Variants in CAMK4 observed in about 807,000 individuals in gnomAD.
CAMK4 encodes the protein calcium/calmodulin dependent protein kinase IV, also known as calcium/calmodulin-dependent protein kinase type IV.
CAMK4 carries 22 observed loss-of-function variants against 44.9 expected under a neutral mutation model. The ratio of observed to expected loss-of-function variants is 0.49; its 90% CI spans 0.35 to 0.70. The LOEUF (loss-of-function observed/expected upper bound fraction) is 0.70, where lower values mean the gene tolerates loss of function less well. Ranked by LOEUF, CAMK4 falls within the 30% of genes least tolerant of loss-of-function variation. CAMK4 has a pLI of 0.01. For missense variants in CAMK4, 498 were observed against 586.8 expected, an observed-to-expected ratio of 0.85 and a Z score of 1.56; for synonymous variants, 218 against 215.4, an observed-to-expected ratio of 1.01 and a Z score of -0.11.
intron 1 of CAMK4, among the ~76,000 whole-genome samples, chr5:111,304,007 T>A (rs1019384204): frequency 1.2e-5 from 1 of 81,220 alleles, no homozygotes; most frequent in African/African-American, 7.0e-5. Flanking sequence ...GCTTCATAAG[T>A]GAAGGAGAAA....
intron 2 of CAMK4, 119 bp from the exon 3 acceptor site, chr5:111,374,731 T>A (rs1337494235): frequency 1.5e-6 from 1 of 657,558 alleles, no homozygotes; most frequent in African/African-American, 1.8e-5. Context: ...ACACAAAAGC[T>A]AAGGAATTAG....
chr5:111,249,409 A>G (rs978618603), intron 1 of CAMK4, among the ~76,000 whole-genome samples: 4 of 151,492 alleles, frequency 2.6e-5, no homozygotes, highest in African/African-American at 7.3e-5. Flanking sequence ...TAGATGTTAT[A>G]TATTGTATGT....
chr5:111,374,865 G>C lies in CAMK4; in HGVS notation c.256G>C (p.Val86Leu), dbSNP rs371603420. The C allele has an allele frequency of 6.2e-7, 1 of 1,610,606 alleles. No individual in the cohort carries two copies. The highest frequency in any genetic ancestry group is 8.5e-7 in the Non-Finnish European group (1 of 1,177,392). Reference protein sequence around the residue: ...VLKKTVDKKIVRTEIGVLLRL... With the variant: ...VLKKTVDKKILRTEIGVLLRL... Reference sequence around the variant, plus strand: ...TGCCTTTTAGGTGGACAAAAAAATCGTAAGAACTGAGATAGGAGTTCTTCT... The same window carrying C: ...TGCCTTTTAGGTGGACAAAAAAATCCTAAGAACTGAGATAGGAGTTCTTCT... Residue 86 changes from valine to leucine, a missense_variant, in exon 3 of 11, where the codon GTA becomes CTA. By Grantham distance (32) the Val-to-Leu change is conservative (BLOSUM62 1). This residue lies in a region of CAMK4 where 152 missense variants were observed against 143.7 expected (regional missense o/e 1.06). Transcript: ENST00000282356.
chr5:111,395,221 AAAAAAAG>A (rs1271760442), intron 5 of CAMK4, among the ~76,000 whole-genome samples: 10 of 104,498 alleles, frequency 9.6e-5, no homozygotes, highest in East Asian at 3.0e-4. Context: ...CAAAAAAAAA[AAAAAAAG>A]AAAAAAAAAA....
At chr5:111,261,514 G>T (rs1019751) in intron 1 of CAMK4, among the ~76,000 whole-genome samples, 38,549 of 150,654 alleles carry the variant, frequency 0.26, 5,665 homozygotes, top group African/African-American at 0.41. Flanking sequence ...ATTATCTTCA[G>T]TTTCCTCACC....
At chr5:111,446,023 C>T (rs774757400) in intron 5 of CAMK4, among the ~76,000 whole-genome samples, 7 of 152,244 alleles carry the variant, frequency 4.6e-5, no homozygotes, top group Middle Eastern at 3.4e-3. Context: ...TATGCTTATA[C>T]GTGATTTTAC....
At chr5:111,283,306 G>A (rs1429868624) in intron 1 of CAMK4, among the ~76,000 whole-genome samples, 1 of 152,026 alleles carries the variant, frequency 6.6e-6, no homozygotes, top group Non-Finnish European at 1.5e-5. Flanking sequence ...ATTTATGACT[G>A]TTATACTCTG....
At chr5:111,345,048 A>G (rs2112755918) in intron 2 of CAMK4, among the ~76,000 whole-genome samples, 1 of 149,786 alleles carries the variant, frequency 6.7e-6, no homozygotes, top group South Asian at 2.1e-4. Context: ...AGTCAAATAC[A>G]TTTTTAGGCC....
At chr5:111,388,274 CT>C (rs1172927026) in intron 4 of CAMK4, among the ~76,000 whole-genome samples, 4 of 152,178 alleles carry the variant, frequency 2.6e-5, no homozygotes, top group Non-Finnish European at 5.9e-5. Flanking sequence ...TAATAAATCC[CT>C]TGGTTGTACA....
At chr5:111,448,025 T>A (rs1479286515) in intron 6 of CAMK4, among the ~76,000 whole-genome samples, 1 of 152,222 alleles carries the variant, frequency 6.6e-6, no homozygotes, top group Non-Finnish European at 1.5e-5. Context: ...CTTCCACTGA[T>A]AAGGATCAGG....
intron 1 of CAMK4, among the ~76,000 whole-genome samples, chr5:111,265,154 A>G (rs1192846388): frequency 6.6e-6 from 1 of 152,162 alleles, no homozygotes; most frequent in Non-Finnish European, 1.5e-5. Flanking sequence ...TGCCTATTAT[A>G]TACTCTGCTA....
intron 8 of CAMK4, among the ~76,000 whole-genome samples, chr5:111,476,603 CTTGTCA>C (rs1755255473): frequency 6.6e-6 from 1 of 152,040 alleles, no homozygotes; most frequent in African/African-American, 2.4e-5. Flanking sequence ...AGAGTTCTAG[CTTGTCA>C]CCACCAGGCT....
intron 1 of CAMK4, among the ~76,000 whole-genome samples, chr5:111,330,933 C>A (rs1483327247): frequency 6.6e-6 from 1 of 151,608 alleles, no homozygotes; most frequent in East Asian, 1.9e-4. Flanking sequence ...AAAAAATATA[C>A]CTTGATACAT....
rs1751581777 is a variant in CAMK4, at chr5:111,385,844, G to A, written c.387-8866G>A. On this transcript the variant is annotated intron_variant, in intron 4 of 10. Transcript: ENST00000282356. ...CCTACCTTGCCCTCCCAAGGTGCTG[G>A]GATTACAGGTGTAAGCCACCACGCC... Among the ~76,000 whole-genome samples, 3 of 152,172 alleles carry A rather than the reference G, an allele frequency of 2.0e-5. No individual in the cohort carries two copies. In the South Asian group the frequency reaches 6.2e-4, roughly 32 times the overall value.
chr5:111,317,379 T>C (rs568937813), intron 1 of CAMK4, among the ~76,000 whole-genome samples: 1 of 152,238 alleles, frequency 6.6e-6, no homozygotes, highest in African/African-American at 2.4e-5. Flanking sequence ...AGTACACAAC[T>C]GATATAAAAT....
chr5:111,264,664 TGATACTTTAAGA>T (rs1750150960), intron 1 of CAMK4, among the ~76,000 whole-genome samples: 1 of 152,140 alleles, frequency 6.6e-6, no homozygotes, highest in Non-Finnish European at 1.5e-5. Context: ...TTGTCACTGG[TGATACTTTAAGA>T]GTCATTTTCT....
At chr5:111,297,826 TAC>T (rs1477705642) in intron 1 of CAMK4, among the ~76,000 whole-genome samples, 2 of 151,734 alleles carry the variant, frequency 1.3e-5, no homozygotes, top group Admixed American at 6.5e-5. Flanking sequence ...ATACCATGAA[TAC>T]AGTGTTAATT....
chr5:111,347,047 T>C (rs1749902838), intron 2 of CAMK4, among the ~76,000 whole-genome samples: 2 of 151,934 alleles, frequency 1.3e-5, no homozygotes, highest in Non-Finnish European at 2.9e-5. Context: ...AGGTTATGCA[T>C]TGGTTTGGCC....
intron 4 of CAMK4, among the ~76,000 whole-genome samples, chr5:111,378,163 T>A (rs1394828508): frequency 6.6e-6 from 1 of 152,050 alleles, no homozygotes; most frequent in Non-Finnish European, 1.5e-5. Flanking sequence ...AAAGAGGCCC[T>A]AGAGAGCTGC....
Sources: gnomAD v4.1 joint callset for allele counts (sites outside exome capture counted in the v4.1 genomes callset) on GRCh38, gnomAD v4.1.1 for gene constraint, gnomAD v4.1.1 regional missense constraint, MANE v1.5 for transcripts, NCBI Gene and HGNC (gene_info 2026-07-23, HGNC 2026-07-21) for gene names.